DNAJC6: variants seen among roughly 807,000 people sequenced by gnomAD.
DNAJC6 encodes the protein auxilin.
Under a neutral mutation model 110.0 loss-of-function variants are expected in DNAJC6, and 34 were observed. The observed-to-expected ratio is 0.31, with a 90% CI of 0.24 to 0.41. The LOEUF is 0.41. Among genes scored for constraint, DNAJC6 ranks in the 10% least tolerant of loss-of-function variants. DNAJC6 has a pLI of 1.00. For synonymous variants in DNAJC6, 406 were observed against 437.2 expected (o/e 0.93, Z 0.89); for missense variants, 1,031 against 1,207.8 (o/e 0.85, Z 2.17).
chr1:65,355,333 A>AGAGTTGG (rs1645532883), intron 1 of DNAJC6, among the ~76,000 whole-genome samples: 1 of 151,542 alleles, frequency 6.6e-6, no homozygotes, highest in African/African-American at 2.4e-5. Flanking sequence ...CAGTACAAAG[A>AGAGTTGG]GAGTTGGGTG....
At chr1:65,392,177 T>G (rs1195618071) in intron 11 of DNAJC6, among the ~76,000 whole-genome samples, 1 of 152,206 alleles carries the variant, frequency 6.6e-6, no homozygotes, top group Admixed American at 6.5e-5. Flanking sequence ...GTAGTGAAGC[T>G]GAGATTCAGT....
intron 1 of DNAJC6, among the ~76,000 whole-genome samples, chr1:65,300,108 C>A (rs1196214373): frequency 6.6e-6 from 1 of 151,486 alleles, no homozygotes; most frequent in Non-Finnish European, 1.5e-5. Flanking sequence ...TAGGTTGTAC[C>A]CCAGTTAGTT....
intron 11 of DNAJC6, among the ~76,000 whole-genome samples, chr1:65,390,803 G>T (rs1645919039): frequency 6.6e-6 from 1 of 152,212 alleles, no homozygotes; most frequent in East Asian, 1.9e-4. Context: ...TTCGAGAAAT[G>T]GAACTAGCAA....
intron 1 of DNAJC6, among the ~76,000 whole-genome samples, chr1:65,313,312 C>T (rs983607707): frequency 7.9e-5 from 12 of 151,768 alleles, no homozygotes; most frequent in Non-Finnish European, 1.2e-4. Flanking sequence ...CTGACCACCT[C>T]GGCCTCCCTC....
intron 18 of DNAJC6, among the ~76,000 whole-genome samples, chr1:65,411,990 G>A (rs1646133900): frequency 6.6e-6 from 1 of 152,054 alleles, no homozygotes; most frequent in Non-Finnish European, 1.5e-5. Context: ...AAAAGAAAAA[G>A]TAAATTGTGT....
chr1:65,375,050 G>A (rs1372756880), intron 4 of DNAJC6, among the ~76,000 whole-genome samples: 4 of 149,978 alleles, frequency 2.7e-5, no homozygotes, highest in African/African-American at 7.4e-5. Flanking sequence ...TGCAACCTCC[G>A]CCTCCTGGAT....
Position 65,406,152 on chromosome 1 carries a change from G to A in DNAJC6, c.2491+19G>A. The A allele has an allele frequency of 6.2e-7, 1 of 1,603,692 alleles. No individual in the cohort carries two copies. Among genetic ancestry groups the A allele is most frequent in the South Asian group, 1.1e-5 (1 of 89,750 alleles). On this transcript the variant is annotated intron_variant, in intron 16 of 18. Transcript: ENST00000371069. Reference sequence around the variant, plus strand: ...AATTTGGGTAAGGATAATGGTATGGGACCTAGCTATGGGGCAGCCTGTCTA... The same window carrying A: ...AATTTGGGTAAGGATAATGGTATGGAACCTAGCTATGGGGCAGCCTGTCTA...
At chr1:65,305,579 A>G (rs1043241352), upstream of DNAJC6, among the ~76,000 whole-genome samples, 10 of 152,318 alleles carry the variant, frequency 6.6e-5, no homozygotes, top group Admixed American at 2.0e-4. Flanking sequence ...AATTCAGTAG[A>G]TATTTACTCA....
chr1:65,354,909 A>G (rs977963920), intron 1 of DNAJC6, among the ~76,000 whole-genome samples: 9 of 152,154 alleles, frequency 5.9e-5, no homozygotes, highest in African/African-American at 2.2e-4. Context: ...GTTACTAGCT[A>G]AATGATCTCC....
chr1:65,312,850 A>G lies in DNAJC6; in HGVS notation c.193+2912A>G, dbSNP rs976544811. Among the ~76,000 whole-genome samples, 137 of 152,264 alleles carry G rather than the reference A, an allele frequency of 9.0e-4. 1 individual carries two copies. Among genetic ancestry groups the G allele is most frequent in the African/African-American group, 3.1e-3 (129 of 41,546 alleles). ...CAGATAGCTCTGTCACCCAGGCTGG[A>G]GTGCAGTGGTGCGATCTCAGCTCAT... is the stretch of plus-strand genomic sequence containing the variant. On this transcript the variant is annotated intron_variant, in intron 1 of 18. Coordinates refer to ENST00000371069, the MANE Select transcript of DNAJC6 (RefSeq NM_001256864.2).
intron 1 of DNAJC6, among the ~76,000 whole-genome samples, chr1:65,316,008 G>A (rs1320272925): frequency 6.6e-6 from 1 of 152,114 alleles, no homozygotes; most frequent in East Asian, 1.9e-4. Flanking sequence ...AATGAAAACA[G>A]CAAAAACAGC....
intron 1 of DNAJC6, among the ~76,000 whole-genome samples, chr1:65,303,641 C>A (rs1570247508): frequency 6.6e-6 from 1 of 152,114 alleles, no homozygotes; most frequent in East Asian, 1.9e-4. Flanking sequence ...TCACTGCAAC[C>A]TCTGCCTCCC....
intron 13 of DNAJC6, among the ~76,000 whole-genome samples, chr1:65,397,851 A>G (rs1570373019): frequency 6.6e-6 from 1 of 152,200 alleles, no homozygotes; most frequent in African/African-American, 2.4e-5. Flanking sequence ...CTTGGTTGGT[A>G]CTAAGTAAAC....
At chr1:65,269,158 A>C (rs867694222) in intron 1 of DNAJC6, among the ~76,000 whole-genome samples, 16 of 152,150 alleles carry the variant, frequency 1.1e-4, no homozygotes, top group African/African-American at 3.9e-4. Context: ...ACTTGAGGTC[A>C]GGAATTCAAG....
In DNAJC6 at chr1:65,392,416, ACTGGCCTTCCTC is replaced by A; in HGVS notation, c.1469-14_1469-3del. 1 of 1,574,572 alleles carries A rather than the reference ACTGGCCTTCCTC, an allele frequency of 6.4e-7. No individual in the cohort carries two copies. The highest frequency in any genetic ancestry group is 8.6e-7 in the Non-Finnish European group (1 of 1,160,158). On this transcript the variant is annotated splice_region_variant and splice_polypyrimidine_tract_variant and intron_variant, in intron 11 of 18. Transcript: ENST00000371069. ...GTCAGCAACTAATCTCTTATGGTAT[ACTGGCCTTCCTC>A]AGATCAGAAATCGGAGAAGTCATTC...
At chr1:65,343,198 A>G (rs1645405603) in intron 1 of DNAJC6, among the ~76,000 whole-genome samples, 1 of 152,130 alleles carries the variant, frequency 6.6e-6, no homozygotes, top group South Asian at 2.1e-4. Flanking sequence ...TCTCCATTTC[A>G]GAGTCTTCCT....
intron 1 of DNAJC6, among the ~76,000 whole-genome samples, chr1:65,353,270 G>A (rs1645509155): frequency 6.6e-6 from 1 of 152,078 alleles, no homozygotes; most frequent in African/African-American, 2.4e-5. Flanking sequence ...TTTCTATTGA[G>A]GATTCTGATC....
chr1:65,366,763 A>C (rs1645650648), intron 4 of DNAJC6, among the ~76,000 whole-genome samples: 1 of 152,192 alleles, frequency 6.6e-6, no homozygotes, highest in Non-Finnish European at 1.5e-5. Context: ...TCACTAAAAA[A>C]AGGCATTTTT....
chr1:65,280,813 G>C (rs983276381), intron 1 of DNAJC6, among the ~76,000 whole-genome samples: 3 of 152,114 alleles, frequency 2.0e-5, no homozygotes, highest in Admixed American at 6.5e-5. Context: ...TTTTATTAGA[G>C]AGATTTTCAG....
Sources: allele counts gnomAD v4.1 joint callset (sites outside exome capture counted in the v4.1 genomes callset), GRCh38; gene constraint gnomAD v4.1.1; transcripts MANE v1.5; gene names NCBI Gene and HGNC (gene_info 2026-07-23, HGNC 2026-07-21).